Variants in COL9A3 observed in about 807,000 individuals in gnomAD.
COL9A3 encodes the protein collagen type IX alpha 3 chain.
In COL9A3, 82 loss-of-function variants were observed where a neutral mutation model predicts 110.2. The observed-to-expected ratio is 0.74, with a 90% CI of 0.62 to 0.89. The LOEUF is 0.89. COL9A3 is among the 40% of genes least tolerant of loss of function. COL9A3 has a pLI of 0.00. For synonymous variants in COL9A3, 494 were observed against 403.8 expected (o/e 1.22, Z -2.68); for missense variants, 1,066 against 981.3 (o/e 1.09, Z -1.15).
chr20:62,828,018 T>C, intron 17 of COL9A3, 42 bp downstream of exon 17: 1 of 1,607,074 alleles, frequency 6.2e-7, no homozygotes, highest in South Asian at 1.1e-5. Context: ...CTCCCCCGGG[T>C]CCTGGGTATG....
Position 62,828,911 on chromosome 20 carries a change from C to G in COL9A3, c.955-12C>G. 3 of 1,612,494 alleles carry G rather than the reference C, an allele frequency of 1.9e-6. No homozygotes were observed. The highest frequency in any genetic ancestry group is 2.5e-6 in the Non-Finnish European group (3 of 1,179,886). On this transcript the variant is annotated splice_polypyrimidine_tract_variant and intron_variant, in intron 18 of 31. Transcript: ENST00000649368. ...AGCCTCCCCTTCCGCACCCCAATCTCTGTCCTCACAGGGAGAGGCTGGTCG... is the reference window on the plus strand; with the variant it reads ...AGCCTCCCCTTCCGCACCCCAATCTGTGTCCTCACAGGGAGAGGCTGGTCG...
chr20:62,833,165 CGGTG>C, intron 26 of COL9A3, 101 bp downstream of exon 26: 1 of 981,282 alleles, frequency 1.0e-6, no homozygotes, highest in Non-Finnish European at 1.6e-6. Context: ...CTGCAGCTCC[CGGTG>C]GAAGATCGGC....
chr20:62,826,387 A>G (rs2147209900), intron 14 of COL9A3, 130 bp downstream of exon 14: 1 of 883,638 alleles, frequency 1.1e-6, no homozygotes, highest in East Asian at 2.6e-5. Context: ...GGCCATCGCC[A>G]CTGTGGCGCA....
chr20:62,821,104 G>T (rs188787001), intron 5 of COL9A3, 77 bp from the exon 6 acceptor site: 9 of 1,462,652 alleles, frequency 6.2e-6, no homozygotes, highest in Non-Finnish European at 8.5e-6. Context: ...GAGTTGTGAC[G>T]TCACACTTCA....
At position 62,819,927 on chromosome 20, in the gene COL9A3, A is replaced by C; in HGVS notation, c.256-2A>C. The C allele has an allele frequency of 1.2e-6, 2 of 1,612,826 alleles. No individual in the cohort carries two copies. Among genetic ancestry groups the C allele is most frequent in the Non-Finnish European group, 1.7e-6 (2 of 1,179,964 alleles). On this transcript the variant is annotated splice_acceptor_variant, in intron 4 of 31. Coordinates refer to ENST00000649368, the MANE Select transcript of COL9A3 (RefSeq NM_001853.4). LOFTEE classifies it high-confidence loss of function. ...TCGAGCTCGCCCTCTGCCTCTCCCC[A>C]GGGTCTGACTGGACGAGATGGACCC... is the stretch of plus-strand genomic sequence containing the variant.
upstream of COL9A3, chr20:62,816,361 G>A (rs1275676567): frequency 2.0e-5 from 3 of 152,478 alleles, no homozygotes; most frequent in East Asian, 5.8e-4. Context: ...GGATCCCGGG[G>A]AGGGGTTCTT....
chr20:62,840,896 G>A lies in COL9A3; in HGVS notation c.*164G>A, dbSNP rs920074947. On this transcript the variant is annotated 3_prime_UTR_variant, in exon 32 of 32. Coordinates refer to ENST00000649368, the MANE Select transcript of COL9A3 (RefSeq NM_001853.4). ...GGCCTTGCCAGCGAGCACCCTCATC[G>A]GGCTGTCGCCTGACAGCATACCTCA... The A allele has an allele frequency of 5.7e-5, 41 of 716,430 alleles. No individual in the cohort carries two copies. In the East Asian group the frequency reaches 8.1e-4, roughly 14 times the overall value. The allele number at this position is 716,430 out of a possible 1,614,324, so 44.4% of individuals were successfully genotyped here. A position where few individuals can be genotyped will look rare whatever the true frequency, so the allele number is the denominator to read the frequency against.
At chr20:62,829,728 C>G (rs1408253415) in intron 21 of COL9A3, 38 bp from the exon 22 acceptor site, 1 of 1,596,540 alleles carries the variant, frequency 6.3e-7, no homozygotes, top group East Asian at 2.3e-5. Flanking sequence ...AGCCTGTGTG[C>G]AGACCCTGCC....
rs568508604 is a variant in COL9A3 at position 62,821,792 on chromosome 20, C to T, written c.405C>T (p.Ile135=). ...EAGVSGPPGG[I]GLRGPPGPSG... ...GAGTGAGCGGCCCCCCAGGTGGGAT[C>T]GGCCTCCGCGGCCCCCCGGTGAGTG... Residue 135 remains isoleucine (I), a synonymous_variant, in exon 8 of 32, where the codon ATC becomes ATT. Transcript: ENST00000649368. 8.1e-6 allele frequency: 13 copies of T among 1,606,510 alleles called. No individual in the cohort carries two copies. Among genetic ancestry groups the T allele is most frequent in the East Asian group, 6.7e-5 (3 of 44,782 alleles).
At chr20:62,829,962 GC>G in intron 22 of COL9A3, 143 bp downstream of exon 22, 1 of 1,151,526 alleles carries the variant, frequency 8.7e-7, no homozygotes, top group Non-Finnish European at 1.2e-6. Flanking sequence ...GAGGTGTGGG[GC>G]CCCATCTTCT....
intron 5 of COL9A3, 85 bp downstream of exon 5, chr20:62,820,067 A>T: frequency 6.7e-7 from 1 of 1,487,306 alleles, no homozygotes; most frequent in South Asian, 1.1e-5. Context: ...CCACAAGGCC[A>T]AGGAGCTGGT....
Position 62,838,757 on chromosome 20 carries a change from C to A in COL9A3, c.1860C>A (p.Pro620=), listed in dbSNP as rs1399401354. Residue 620 remains proline, a synonymous_variant, in exon 31 of 32, where the codon CCC becomes CCA. Transcript: ENST00000649368. ...GLDGPEGDQG[P]QGPQGVPGTS... ...ACGGGCCTGAAGGAGACCAGGGGCC[C>A]CAAGGTACGAGTCCACGGCCAGCAA... is the stretch of plus-strand genomic sequence containing the variant. 13 of 1,551,644 alleles carry A rather than the reference C, an allele frequency of 8.4e-6. No individual in the cohort carries two copies. The highest frequency in any genetic ancestry group is 1.1e-5 in the Non-Finnish European group (13 of 1,146,986).
chr20:62,827,846 C>G (rs1346537687), intron 16 of COL9A3, 77 bp from the exon 17 acceptor site: 2 of 1,506,752 alleles, frequency 1.3e-6, no homozygotes, highest in African/African-American at 2.7e-5. Flanking sequence ...TTGGTGTCCC[C>G]GAGCAGCTGG....
Position 62,829,785 on chromosome 20 carries a change from G to C in COL9A3, c.1127G>C (p.Gly376Ala). 6.3e-7 allele frequency: 1 copy of C among 1,587,632 alleles called. No homozygotes were observed. Among genetic ancestry groups the C allele is most frequent in the Non-Finnish European group, 8.6e-7 (1 of 1,167,460 alleles). ...PGVPGDAGMP[G>A]ERGEAGHRGS... ...CTGTAGGGAGATGCTGGCATGCCTG[G>C]GGAGCGCGGTGAGGCTGGCCACCGG... The change falls in exon 22 of 32, where the codon GGG becomes GCG. Residue 376 changes from glycine to alanine, a missense_variant. Coordinates refer to ENST00000649368, the MANE Select transcript of COL9A3 (RefSeq NM_001853.4).
rs188015447 is a variant in COL9A3, at chr20:62,834,031, G to A, written c.1368+967G>A. Among the ~76,000 whole-genome samples the A allele has an allele frequency of 2.7e-3, 410 of 152,166 alleles. 3 individuals carry two copies. The highest frequency in any genetic ancestry group is 6.5e-3 in the African/African-American group (270 of 41,510). On this transcript the variant is annotated intron_variant, in intron 26 of 31. Coordinates refer to ENST00000649368, the MANE Select transcript of COL9A3 (RefSeq NM_001853.4). The stretch of plus-strand genomic sequence containing the variant: ...TGGGATTACAGGCGCCTGCCACCAC[G>A]CCCAGCTAATGTTTGTATTTTTAGT...
intron 11 of COL9A3, 108 bp from the exon 12 acceptor site, chr20:62,824,860 C>T (rs2063537814): frequency 7.5e-6 from 9 of 1,196,682 alleles, no homozygotes; most frequent in East Asian, 2.5e-5. Flanking sequence ...TGTGCGCTGC[C>T]GTGTGGCGGG....
intron 16 of COL9A3, 41 bp from the exon 17 acceptor site, chr20:62,827,882 G>A: frequency 1.2e-6 from 2 of 1,603,070 alleles, no homozygotes; most frequent in Non-Finnish European, 1.7e-6. Context: ...GGCCGTCTGG[G>A]AAGAGACTGC....
chr20:62,835,974 C>G, intron 27 of COL9A3, 21 bp downstream of exon 27: 1 of 1,614,154 alleles, frequency 6.2e-7, no homozygotes, highest in Middle Eastern at 1.6e-4. Context: ...GGCGACTGTT[C>G]CGATGACACC....
chr20:62,830,135 G>C (rs935260913), intron 22 of COL9A3, among the ~76,000 whole-genome samples: 1 of 152,130 alleles, frequency 6.6e-6, no homozygotes, highest in African/African-American at 2.4e-5. Flanking sequence ...GCCTGGCCCC[G>C]AGTCTGGCCT....
Sources: allele counts gnomAD v4.1 joint callset (sites outside exome capture counted in the v4.1 genomes callset), GRCh38; gene constraint gnomAD v4.1.1; transcripts MANE v1.5; gene names NCBI Gene and HGNC (gene_info 2026-07-23, HGNC 2026-07-21).